WWOX: variants seen among roughly 807,000 people sequenced by gnomAD.
WWOX encodes WW domain containing oxidoreductase, also known as WW domain-containing oxidoreductase.
A neutral mutation model predicts 46.2 loss-of-function variants in WWOX; 69 were observed. That is an observed-to-expected ratio of 1.49 (90% CI 1.23 to 1.82). The LOEUF is 1.82. WWOX is among the 40% of genes most tolerant of loss of function. The pLI, the probability that WWOX is intolerant of heterozygous loss-of-function variation, is 0.00. For synonymous variants in WWOX, 359 were observed against 202.6 expected (o/e 1.77, Z -6.56); for missense variants, 919 against 542.6 (o/e 1.69, Z -6.89).
chr16:78,752,640 A>T (rs929647925), intron 8 of WWOX, among the ~76,000 whole-genome samples: 15 of 152,208 alleles, frequency 9.9e-5, no homozygotes, highest in Non-Finnish European at 2.2e-4. Context: ...TCAAATCATG[A>T]TAAAATTCTT....
chr16:79,028,291 G>A (rs930543326), intron 8 of WWOX, among the ~76,000 whole-genome samples: 7 of 151,906 alleles, frequency 4.6e-5, no homozygotes, highest in African/African-American at 1.5e-4. Context: ...CCCAGTGTCT[G>A]GCAAATGGAA....
chr16:78,268,355 TG>T (rs2079409852), intron 5 of WWOX, among the ~76,000 whole-genome samples: 1 of 152,246 alleles, frequency 6.6e-6, no homozygotes, highest in Admixed American at 6.5e-5. Flanking sequence ...TTTATCATCC[TG>T]GGTTGCCATC....
chr16:78,972,051 C>G (rs1031963938), intron 8 of WWOX, among the ~76,000 whole-genome samples: 19 of 152,124 alleles, frequency 1.2e-4, no homozygotes, highest in African/African-American at 4.3e-4. Flanking sequence ...TTAGAAGACC[C>G]TGATCTGCCG....
intron 8 of WWOX, among the ~76,000 whole-genome samples, chr16:78,669,108 C>G (rs979838361): frequency 6.6e-6 from 1 of 152,062 alleles, no homozygotes; most frequent in Non-Finnish European, 1.5e-5. Context: ...TAAGCCAAAA[C>G]CACCTCCGTT....
chr16:78,233,100 T>G (rs2037321895), intron 5 of WWOX, among the ~76,000 whole-genome samples: 1 of 152,244 alleles, frequency 6.6e-6, no homozygotes, highest in African/African-American at 2.4e-5. Flanking sequence ...ATACCCATTA[T>G]TTTGGCTGAA....
intron 8 of WWOX, among the ~76,000 whole-genome samples, chr16:79,208,936 C>T (rs1389213258): frequency 4.6e-5 from 7 of 152,112 alleles, no homozygotes; most frequent in Non-Finnish European, 1.0e-4. Context: ...AGAGTGAGTA[C>T]CCATGAGCAC....
intron 6 of WWOX, among the ~76,000 whole-genome samples, chr16:78,416,941 G>A (rs1480477151): frequency 6.6e-6 from 1 of 151,992 alleles, no homozygotes; most frequent in Admixed American, 6.6e-5. Context: ...ACATGGCTGA[G>A]CTACAGTTTC....
intron 8 of WWOX, among the ~76,000 whole-genome samples, chr16:79,096,155 A>C (rs557459619): frequency 4.0e-4 from 61 of 151,440 alleles, no homozygotes; most frequent in African/African-American, 1.4e-3. Context: ...GGCATGAGCC[A>C]CAGAGCCTGA....
intron 8 of WWOX, among the ~76,000 whole-genome samples, chr16:78,640,796 G>A (rs1052012702): frequency 7.9e-5 from 12 of 151,980 alleles, no homozygotes; most frequent in South Asian, 4.2e-4. Context: ...AAAATTAGCC[G>A]GGCGTGGCAG....
intron 8 of WWOX, among the ~76,000 whole-genome samples, chr16:78,533,603 C>G (rs905901583): frequency 5.9e-5 from 9 of 152,126 alleles, no homozygotes; most frequent in Non-Finnish European, 1.3e-4. Context: ...TCACAAGGTA[C>G]AACTAGAAAA....
chr16:78,429,079 G>A (rs566708960), intron 7 of WWOX, among the ~76,000 whole-genome samples: 2 of 152,126 alleles, frequency 1.3e-5, no homozygotes, highest in Non-Finnish European at 2.9e-5. Context: ...ATCTAATTCT[G>A]TATTGAGTCC....
intron 8 of WWOX, among the ~76,000 whole-genome samples, chr16:79,025,753 C>T (rs957103178): frequency 6.7e-5 from 10 of 149,820 alleles, no homozygotes; most frequent in African/African-American, 2.5e-4. Flanking sequence ...ATAATCCTTT[C>T]ATCCTTCATC....
intron 8 of WWOX, among the ~76,000 whole-genome samples, chr16:78,441,103 C>T (rs565800483): frequency 8.5e-5 from 13 of 152,126 alleles, no homozygotes; most frequent in African/African-American, 1.9e-4. Flanking sequence ...CCACCACGCA[C>T]GGCTGATGTT....
intron 8 of WWOX, among the ~76,000 whole-genome samples, chr16:79,134,664 G>A (rs895910485): frequency 5.9e-5 from 9 of 152,104 alleles, no homozygotes; most frequent in Non-Finnish European, 7.4e-5. Flanking sequence ...CATTTAGGTC[G>A]CGATTTCTTC....
At chr16:78,537,382 A>G (rs958443331) in intron 8 of WWOX, among the ~76,000 whole-genome samples, 12 of 152,150 alleles carry the variant, frequency 7.9e-5, no homozygotes, top group Admixed American at 2.0e-4. Context: ...ACTTGTCCTA[A>G]ATCACGTGTC....
rs140325883 is a variant in WWOX, at chr16:78,748,961, G to A, written c.1056+316209G>A. Among the ~76,000 whole-genome samples the A allele has an allele frequency of 3.5e-3, 531 of 152,340 alleles. 4 individuals carry two copies. The highest frequency in any genetic ancestry group is 0.017 in the Middle Eastern group (5 of 294). On this transcript the variant is annotated intron_variant, in intron 8 of 8. Coordinates refer to ENST00000566780, the MANE Select transcript of WWOX (RefSeq NM_016373.4). ...AATTCATCTTTATGCCCGTAGGGCCGTGGTGAAATTTGAACCTGACCAAAT... is the reference window on the plus strand; with the variant it reads ...AATTCATCTTTATGCCCGTAGGGCCATGGTGAAATTTGAACCTGACCAAAT...
intron 4 of WWOX, among the ~76,000 whole-genome samples, chr16:78,140,634 A>G (rs1010085273): frequency 2.0e-5 from 3 of 151,850 alleles, no homozygotes; most frequent in African/African-American, 7.3e-5. Flanking sequence ...TTTTCACATC[A>G]TCTTCCCTCT....
intron 5 of WWOX, among the ~76,000 whole-genome samples, chr16:78,205,980 C>CCCTCCCTT (rs550878004): frequency 6.6e-6 from 1 of 151,612 alleles, no homozygotes; most frequent in African/African-American, 2.4e-5. Context: ...TTTCTTTCCT[C>CCCTCCCTT]CCTCCCTTCC....
At chr16:78,221,928 A>G (rs569635823) in intron 5 of WWOX, among the ~76,000 whole-genome samples, 81 of 152,202 alleles carry the variant, frequency 5.3e-4, no homozygotes, top group African/African-American at 1.9e-3. Flanking sequence ...CCTTATACAT[A>G]ATCTATTTTC....
Sources: allele counts gnomAD v4.1 joint callset (sites outside exome capture counted in the v4.1 genomes callset), GRCh38; gene constraint gnomAD v4.1.1; transcripts MANE v1.5; gene names NCBI Gene and HGNC (gene_info 2026-07-23, HGNC 2026-07-21).